The following CR1L variants were observed in gnomAD, a reference collection of about 807,000 sequenced individuals.
CR1L encodes the protein complement C3b/C4b receptor 1 like.
In CR1L, 59 loss-of-function variants were observed where a neutral mutation model predicts 62.3. The observed-to-expected ratio is 0.95, with a 90% CI of 0.77 to 1.18. The LOEUF (loss-of-function observed/expected upper bound fraction) is 1.18. Among genes scored for constraint, CR1L ranks in the 50% most tolerant of loss-of-function variants. CR1L has a pLI of 0.00. For synonymous variants in CR1L, 279 were observed against 248.7 expected (o/e 1.12, Z -1.15); for missense variants, 700 against 702.8 (o/e 1.00, Z 0.04).
At chr1:207,675,014 A>G (rs535948641) in intron 1 of CR1L, among the ~76,000 whole-genome samples, 2 of 152,120 alleles carry the variant, frequency 1.3e-5, no homozygotes, top group Non-Finnish European at 2.9e-5. Flanking sequence ...TTTTTTTTTA[A>G]GTTTTATAAG....
intron 10 of CR1L, among the ~76,000 whole-genome samples, chr1:207,715,868 T>A (rs988296206): frequency 9.2e-5 from 14 of 152,232 alleles, no homozygotes; most frequent in Non-Finnish European, 1.8e-4. Flanking sequence ...GCTAATTTTT[T>A]ATATTTTGTA....
intron 1 of CR1L, among the ~76,000 whole-genome samples, chr1:207,670,052 C>T (rs1278228035): frequency 5.3e-5 from 8 of 151,076 alleles, no homozygotes; most frequent in Admixed American, 3.9e-4. Context: ...GTTGCTGCCT[C>T]AGTGGCATAA....
intron 4 of CR1L, among the ~76,000 whole-genome samples, chr1:207,691,094 C>T (rs1308385152): frequency 1.3e-5 from 2 of 152,196 alleles, no homozygotes; most frequent in Non-Finnish European, 2.9e-5. Context: ...ATGAATTTGC[C>T]TGTCTTTCCT....
chr1:207,646,742 A>G (rs1663133515), intron 1 of CR1L, among the ~76,000 whole-genome samples: 1 of 151,534 alleles, frequency 6.6e-6, no homozygotes, highest in African/African-American at 2.4e-5. Flanking sequence ...AAAAGCCAAA[A>G]AATACATGCT....
At chr1:207,719,265 A>G (rs2102484839) in intron 11 of CR1L, among the ~76,000 whole-genome samples, 1 of 134,232 alleles carries the variant, frequency 7.4e-6, no homozygotes, top group Admixed American at 8.4e-5. Flanking sequence ...TAATTTAAAA[A>G]AAAAAAACAT....
intron 5 of CR1L, among the ~76,000 whole-genome samples, chr1:207,695,792 G>A (rs1204283901): frequency 1.3e-5 from 2 of 152,150 alleles, no homozygotes; most frequent in Non-Finnish European, 2.9e-5. Flanking sequence ...ATTTTCATAT[G>A]GCTGGCAGGA....
intron 1 of CR1L, among the ~76,000 whole-genome samples, chr1:207,668,616 C>T (rs1421154711): frequency 1.3e-5 from 2 of 151,080 alleles, no homozygotes; most frequent in Non-Finnish European, 2.9e-5. Flanking sequence ...CTCTGCCCTA[C>T]ATCTGTCACT....
intron 10 of CR1L, chr1:207,710,776 G>T: frequency 6.2e-7 from 1 of 1,601,178 alleles, no homozygotes; most frequent in Admixed American, 1.7e-5. Context: ...CTACCAAGCT[G>T]CTCCAGGGGT....
At chr1:207,695,139 T>C (rs1442872612) in intron 5 of CR1L, among the ~76,000 whole-genome samples, 1 of 152,178 alleles carries the variant, frequency 6.6e-6, no homozygotes, top group Non-Finnish European at 1.5e-5. Flanking sequence ...TGTTTTGTTT[T>C]GCTTGAGACA....
rs3085 is a variant in CR1L, at chr1:207,683,909, A to G, written c.415A>G (p.Ile139Val). ...TGGTTCCTCGTCTGCCACATGCATC[A>G]TCTCAGGCAACACTGTCATTTGGGA... ...LIGSSSATCIISGNTVIWDNK... is the reference protein window; with the variant it reads ...LIGSSSATCIVSGNTVIWDNK... Residue 139 changes from isoleucine (I) to valine (V), a missense_variant, in exon 4 of 12, where the codon ATC (isoleucine) becomes GTC (valine). Transcript: ENST00000508064. 188,664 of 1,610,180 alleles carry G rather than the reference A, an allele frequency of 0.12. 14,226 individuals are homozygous for G. The highest frequency in any genetic ancestry group is 0.37 in the East Asian group (16,571 of 44,728).
rs1664267439 is a variant in CR1L at position 207,706,325 on chromosome 1, GTGAAAGGATCAC to G, written c.1329-1852_1329-1841del. ...AGTCACAGCTACACAGGAGACTGAG[GTGAAAGGATCAC>G]CTCAGCCCGAGAGGCTGAGGCTTCA... On this transcript the variant is annotated intron_variant, in intron 9 of 11. Coordinates refer to ENST00000508064, the MANE Select transcript of CR1L (RefSeq NM_175710.2). Among the ~76,000 whole-genome samples, 3 of 151,900 alleles carry G rather than the reference GTGAAAGGATCAC, an allele frequency of 2.0e-5. No homozygotes were observed. The South Asian group carries it at 6.2e-4, about 32-fold the overall frequency.
At chr1:207,703,684 T>C (rs1035012958) in intron 9 of CR1L, among the ~76,000 whole-genome samples, 4 of 152,224 alleles carry the variant, frequency 2.6e-5, no homozygotes, top group African/African-American at 9.6e-5. Flanking sequence ...AAATATATTT[T>C]GTGCCAGGCA....
At chr1:207,649,462 GT>G (rs1278376232) in intron 1 of CR1L, among the ~76,000 whole-genome samples, 1 of 152,210 alleles carries the variant, frequency 6.6e-6, no homozygotes, top group Non-Finnish European at 1.5e-5. Flanking sequence ...GAGCCCTTTT[GT>G]TTGACTTAGC....
chr1:207,718,390 C>A (rs1654055407), intron 11 of CR1L, among the ~76,000 whole-genome samples: 1 of 152,192 alleles, frequency 6.6e-6, no homozygotes, highest in African/African-American at 2.4e-5. Flanking sequence ...CCAGTAAGGA[C>A]AGAAGAGCAT....
chr1:207,719,551 C>T (rs1654085256), intron 11 of CR1L, among the ~76,000 whole-genome samples: 1 of 151,970 alleles, frequency 6.6e-6, no homozygotes, highest in African/African-American at 2.4e-5. Flanking sequence ...AAAACTCTGT[C>T]TCTACAAAAA....
chr1:207,655,018 T>C (rs1470540162), intron 1 of CR1L, among the ~76,000 whole-genome samples: 1 of 152,236 alleles, frequency 6.6e-6, no homozygotes, highest in African/African-American at 2.4e-5. Context: ...AAACTCTTTA[T>C]TTGATTAAAT....
intron 11 of CR1L, among the ~76,000 whole-genome samples, chr1:207,721,130 A>C (rs897735525): frequency 1.3e-5 from 2 of 152,242 alleles, no homozygotes; most frequent in Admixed American, 1.3e-4. Flanking sequence ...CTACTTTGGC[A>C]CATAAATATA....
chr1:207,694,345 T>G lies in CR1L; in HGVS notation c.464-8T>G. ...TTATTTAAATTGACTGTGCTCTTCC[T>G]TTCCCAGGAATTATTTGTGGGCTAC... is the stretch of plus-strand genomic sequence containing the variant. On this transcript the variant is annotated splice_region_variant and splice_polypyrimidine_tract_variant and intron_variant, in intron 4 of 11. Transcript: ENST00000508064. 2 of 1,613,970 alleles carry G rather than the reference T, an allele frequency of 1.2e-6. No homozygotes were observed. Among genetic ancestry groups the G allele is most frequent in the Non-Finnish European group, 1.7e-6 (2 of 1,179,852 alleles).
chr1:207,666,884 T>G (rs1363405752), intron 1 of CR1L, among the ~76,000 whole-genome samples: 1 of 152,178 alleles, frequency 6.6e-6, no homozygotes, highest in African/African-American at 2.4e-5. Context: ...TGGATATGGA[T>G]CATGTATTTC....
Sources: gnomAD v4.1 joint callset for allele counts (sites outside exome capture counted in the v4.1 genomes callset) on GRCh38, gnomAD v4.1.1 for gene constraint, MANE v1.5 for transcripts, NCBI Gene and HGNC (gene_info 2026-07-23, HGNC 2026-07-21) for gene names.